PSMA1: variants seen among roughly 807,000 people sequenced by gnomAD.
The protein encoded by PSMA1 is proteasome 20S subunit alpha 1.
PSMA1 carries 3 observed loss-of-function variants against 38.4 expected under a neutral mutation model. The observed-to-expected ratio is 0.08, with a 90% CI of 0.04 to 0.20. The LOEUF (loss-of-function observed/expected upper bound fraction) is 0.20, where lower values mean the gene tolerates loss of function less well. Among genes scored for constraint, PSMA1 ranks in the 10% least tolerant of loss-of-function variants. PSMA1 has a pLI of 1.00. For missense variants in PSMA1, 227 were observed against 325.3 expected (o/e 0.70, Z 2.32); for synonymous variants, 101 against 107.1 (o/e 0.94, Z 0.35).
At chr11:14,571,606 T>C (rs950066672) in intron 2 of PSMA1, among the ~76,000 whole-genome samples, 1 of 152,172 alleles carries the variant, frequency 6.6e-6, no homozygotes, top group African/African-American at 2.4e-5. Context: ...CTGCATCAAC[T>C]AACGAGCAAA....
chr11:14,569,336 G>A (rs953304138), intron 2 of PSMA1, among the ~76,000 whole-genome samples: 1 of 152,124 alleles, frequency 6.6e-6, no homozygotes, highest in African/African-American at 2.4e-5. Context: ...TTCCAACTGA[G>A]GTACCAGGTT....
chr11:14,558,637 G>A (rs1767046140), intron 2 of PSMA1, among the ~76,000 whole-genome samples: 1 of 152,212 alleles, frequency 6.6e-6, no homozygotes, highest in African/African-American at 2.4e-5. Context: ...GTTGAGATGT[G>A]TGTCCAGGCT....
chr11:14,588,443 C>T (rs1305650669), intron 2 of PSMA1, among the ~76,000 whole-genome samples: 1 of 152,058 alleles, frequency 6.6e-6, no homozygotes, highest in Non-Finnish European at 1.5e-5. Context: ...AGTAAAAAAA[C>T]AATGCAAATT....
chr11:14,586,937 T>C (rs192732413), intron 2 of PSMA1, among the ~76,000 whole-genome samples: 1 of 152,226 alleles, frequency 6.6e-6, no homozygotes, highest in Admixed American at 6.5e-5. Flanking sequence ...ATTTTTTGTA[T>C]TTTTAGTAGA....
chr11:14,508,564 A>AAAAAAAAAAAAAAAAAAAC (rs1554966542), intron 8 of PSMA1, among the ~76,000 whole-genome samples: 4 of 147,992 alleles, frequency 2.7e-5, no homozygotes, highest in Admixed American at 6.8e-5. Flanking sequence ...TCCATCTCAA[A>AAAAAAAAAAAAAAAAAAAC]AAAAAAAAAA....
Position 14,525,977 on chromosome 11 carries a change from CCTT to C in PSMA1, c.22-6939_22-6937del, listed in dbSNP as rs1293460127. On this transcript the variant is annotated intron_variant, in intron 2 of 10. Coordinates refer to the PSMA1 transcript ENST00000418988. ...CTTCTCAACAAGACACCCTCCTGCT[CCTT>C]CAACATTTATTCTCCAAAGGATATC... is the stretch of plus-strand genomic sequence containing the variant. 1.3e-5 allele frequency among the ~76,000 whole-genome samples: 2 copies of C among 152,182 alleles called. 1 individual carries two copies. The highest frequency in any genetic ancestry group is 2.9e-5 in the Non-Finnish European group (2 of 68,032).
chr11:14,521,334 T>A (rs2253285), upstream of PSMA1, among the ~76,000 whole-genome samples: 94,982 of 143,590 alleles, frequency 0.66, 31,359 homozygotes, highest in African/African-American at 0.7. Context: ...ATAAGAATAA[T>A]AAAAAAAAAA....
At chr11:14,611,421 A>G (rs968788477) in intron 1 of PSMA1, among the ~76,000 whole-genome samples, 3 of 152,238 alleles carry the variant, frequency 2.0e-5, no homozygotes, top group Non-Finnish European at 2.9e-5. Flanking sequence ...ATTATATAGC[A>G]AAAGAATTGA....
At chr11:14,637,276 C>T (rs1853122215) in intron 1 of PSMA1, among the ~76,000 whole-genome samples, 1 of 152,196 alleles carries the variant, frequency 6.6e-6, no homozygotes, top group South Asian at 2.1e-4. Context: ...GGAATACTCT[C>T]CCTCCTCCTT....
Position 14,542,211 on chromosome 11 carries a change from G to A in PSMA1, c.22-23170C>T, listed in dbSNP as rs1851780524. On this transcript the variant is annotated intron_variant, in intron 2 of 10. Transcript: ENST00000418988. ...TGGAAGTACCTTTACAATTGTAAAA[G>A]CAAAGATTTGATTGTATTTTCCTGA... Among the ~76,000 whole-genome samples the A allele has an allele frequency of 2.6e-5, 4 of 152,150 alleles. No homozygotes were observed. In the South Asian group the frequency reaches 8.3e-4, roughly 31 times the overall value.
At chr11:14,548,580 T>G (rs1160457499) in intron 2 of PSMA1, among the ~76,000 whole-genome samples, 1 of 152,222 alleles carries the variant, frequency 6.6e-6, no homozygotes, top group African/African-American at 2.4e-5. Flanking sequence ...ATTGGCAGCT[T>G]GAAACTGGCC....
At chr11:14,589,365 ATGTG>A (rs10641474) in intron 2 of PSMA1, among the ~76,000 whole-genome samples, 34 of 147,650 alleles carry the variant, frequency 2.3e-4, no homozygotes, top group Middle Eastern at 7.0e-3. Flanking sequence ...ATATATATAT[ATGTG>A]TGTGTGTGTG....
At chr11:14,591,144 C>T (rs1426749832) in intron 2 of PSMA1, among the ~76,000 whole-genome samples, 1 of 152,334 alleles carries the variant, frequency 6.6e-6, no homozygotes, top group Non-Finnish European at 1.5e-5. Context: ...CTTGGTGGGC[C>T]TGCACTCGGA....
chr11:14,571,057 T>C (rs948746955), intron 2 of PSMA1, among the ~76,000 whole-genome samples: 9 of 152,296 alleles, frequency 5.9e-5, no homozygotes, highest in Admixed American at 2.0e-4. Context: ...ATAGTCAACA[T>C]TCTTTTTTGT....
rs1183312788 is a variant in PSMA1, at chr11:14,561,595, C to T, written c.22-42554G>A. 2.0e-5 allele frequency among the ~76,000 whole-genome samples: 3 copies of T among 152,180 alleles called. No individual in the cohort carries two copies. The East Asian group carries it at 5.8e-4, about 29-fold the overall frequency. ...CTCTTTGTAGTCCTTCCTCAATTGT[C>T]AACCCTCCTCACTCTCATGTTACCT... On this transcript the variant is annotated intron_variant, in intron 2 of 10. Transcript: ENST00000418988.
chr11:14,641,111 G>T (rs1480407081), intron 1 of PSMA1, among the ~76,000 whole-genome samples: 7 of 151,744 alleles, frequency 4.6e-5, no homozygotes. Context: ...AAACCACCAC[G>T]GCACGTGTAT....
rs1851393519 is a variant in PSMA1, at chr11:14,514,383, T to C, written c.343+20A>G. 3 of 1,590,948 alleles carry C rather than the reference T, an allele frequency of 1.9e-6. No individual in the cohort carries two copies. The highest frequency in any genetic ancestry group is 1.4e-5 in the African/African-American group (1 of 74,048). On this transcript the variant is annotated intron_variant, in intron 5 of 9. Transcript: ENST00000396394. ...ACCCTTCAAAGTTCATATCCATAAA[T>C]GCTAACATAAAAAGGATACTGCTTC...
chr11:14,547,109 A>C (rs1332014444), intron 2 of PSMA1, among the ~76,000 whole-genome samples: 2 of 152,250 alleles, frequency 1.3e-5, no homozygotes, highest in African/African-American at 4.8e-5. Flanking sequence ...TTTAAAAATA[A>C]GAATGGAATG....
At chr11:14,602,039 T>TG (rs1226252789) in intron 2 of PSMA1, among the ~76,000 whole-genome samples, 1 of 152,212 alleles carries the variant, frequency 6.6e-6, no homozygotes, top group South Asian at 2.1e-4. Flanking sequence ...TATAGATTCA[T>TG]GGCTTCATAC....
Sources: allele counts gnomAD v4.1 joint callset (sites outside exome capture counted in the v4.1 genomes callset), GRCh38; gene constraint gnomAD v4.1.1; transcripts MANE v1.5; gene names NCBI Gene and HGNC (gene_info 2026-07-23, HGNC 2026-07-21).